JAZF1: variants seen among roughly 807,000 people sequenced by gnomAD.
JAZF1 encodes the protein juxtaposed with another zinc finger protein 1.
Under a neutral mutation model 26.4 loss-of-function variants are expected in JAZF1, and 8 were observed. The observed-to-expected ratio is 0.30, with a 90% CI of 0.18 to 0.55. The LOEUF is 0.55. JAZF1 is among the 20% of genes least tolerant of loss of function. The pLI is 0.94. For missense variants in JAZF1, 199 were observed against 322.0 expected, an observed-to-expected ratio of 0.62 and a Z score of 2.92; for synonymous variants, 126 against 122.3, an observed-to-expected ratio of 1.03 and a Z score of -0.20.
intron 1 of JAZF1, among the ~76,000 whole-genome samples, chr7:28,057,117 A>G (rs1473172187): frequency 1.3e-5 from 2 of 152,202 alleles, no homozygotes; most frequent in Non-Finnish European, 2.9e-5. Flanking sequence ...TGAAGTTCAG[A>G]AATTACTGCA....
At chr7:28,096,850 A>C (rs41349851) in intron 1 of JAZF1, among the ~76,000 whole-genome samples, 12,507 of 152,208 alleles carry the variant, frequency 0.082, 1,753 homozygotes, top group African/African-American at 0.29. Flanking sequence ...ACCACATTTC[A>C]AGTTCCTTCG....
At chr7:27,978,258 C>T (rs1024915965) in intron 2 of JAZF1, among the ~76,000 whole-genome samples, 7 of 152,140 alleles carry the variant, frequency 4.6e-5, no homozygotes, top group Non-Finnish European at 8.8e-5. Flanking sequence ...AGACAGGATT[C>T]GAACCTAAAC....
chr7:28,163,189 CTCAGTTTGCACA>C (rs1271958388), intron 1 of JAZF1, among the ~76,000 whole-genome samples: 1 of 152,176 alleles, frequency 6.6e-6, no homozygotes, highest in African/African-American at 2.4e-5. Context: ...TATCCTATTC[CTCAGTTTGCACA>C]TGGAAAAATC....
intron 2 of JAZF1, among the ~76,000 whole-genome samples, chr7:27,900,218 G>GT (rs563741157): frequency 7.3e-4 from 111 of 152,318 alleles, no homozygotes; most frequent in African/African-American, 2.4e-3. Context: ...ACTGGGTTGT[G>GT]AAAGCTGACT....
intron 1 of JAZF1, among the ~76,000 whole-genome samples, chr7:28,123,671 A>G (rs1373247104): frequency 6.6e-6 from 1 of 152,252 alleles, no homozygotes; most frequent in African/African-American, 2.4e-5. Flanking sequence ...AATTCATTTA[A>G]AAATGGAAAT....
intron 1 of JAZF1, among the ~76,000 whole-genome samples, chr7:27,998,009 G>A (rs1161819375): frequency 6.7e-6 from 1 of 149,276 alleles, no homozygotes; most frequent in Non-Finnish European, 1.5e-5. Context: ...AAGGGAGGAA[G>A]AGAGGAATGG....
At chr7:28,142,841 A>C (rs1259672250) in intron 1 of JAZF1, among the ~76,000 whole-genome samples, 1 of 152,188 alleles carries the variant, frequency 6.6e-6, no homozygotes, top group Non-Finnish European at 1.5e-5. Flanking sequence ...TCCCCAACCC[A>C]GGCATTCATG....
chr7:28,127,151 T>C (rs1162751284), intron 1 of JAZF1, among the ~76,000 whole-genome samples: 3 of 152,168 alleles, frequency 2.0e-5, no homozygotes, highest in Non-Finnish European at 4.4e-5. Context: ...AGGCGAAGGA[T>C]CCTAAGGCTA....
chr7:28,115,700 T>C (rs145824789), intron 1 of JAZF1, among the ~76,000 whole-genome samples: 63 of 152,306 alleles, frequency 4.1e-4, no homozygotes, highest in African/African-American at 1.4e-3. Flanking sequence ...GAGTACACAA[T>C]GAAGAGTATT....
Position 28,017,108 on chromosome 7 carries a change from T to C in JAZF1, c.116-25127A>G, listed in dbSNP as rs577266224. 3.3e-5 allele frequency among the ~76,000 whole-genome samples: 5 copies of C among 152,258 alleles called. No homozygotes were observed. The East Asian group carries it at 9.7e-4, about 29-fold the overall frequency. The stretch of plus-strand genomic sequence containing the variant: ...GCTCACACCTATAATTCCAGCACTT[T>C]GGGAGGCTGAGGCAGGTGGATCACC... On this transcript the variant is annotated intron_variant, in intron 1 of 4. Transcript: ENST00000283928.
At chr7:28,151,155 G>A (rs1783107164) in intron 1 of JAZF1, among the ~76,000 whole-genome samples, 2 of 151,488 alleles carry the variant, frequency 1.3e-5, no homozygotes, top group South Asian at 4.2e-4. Context: ...CCAGGCTGGA[G>A]TGCAGTGGTG....
At chr7:28,109,908 A>C (rs895850720) in intron 1 of JAZF1, among the ~76,000 whole-genome samples, 3 of 152,244 alleles carry the variant, frequency 2.0e-5, no homozygotes, top group Admixed American at 6.5e-5. Context: ...AAACAGCCTA[A>C]GTGAATTTAA....
chr7:27,898,965 C>G (rs1324070488), intron 2 of JAZF1, among the ~76,000 whole-genome samples: 2 of 152,076 alleles, frequency 1.3e-5, no homozygotes, highest in Non-Finnish European at 2.9e-5. Context: ...ACCCACACCA[C>G]CCGCCCCCAC....
chr7:28,057,735 T>C (rs1375466820), intron 1 of JAZF1, among the ~76,000 whole-genome samples: 4 of 152,184 alleles, frequency 2.6e-5, no homozygotes, highest in African/African-American at 9.7e-5. Context: ...ATTTAAAATG[T>C]ATTGGCCCCA....
intron 3 of JAZF1, among the ~76,000 whole-genome samples, chr7:27,853,121 C>A (rs568127935): frequency 1.3e-5 from 2 of 152,244 alleles, no homozygotes; most frequent in Admixed American, 6.5e-5. Context: ...TGTACTTCTG[C>A]TGGTTTTTGG....
intron 3 of JAZF1, among the ~76,000 whole-genome samples, chr7:27,870,781 C>T (rs199578331): frequency 9.9e-5 from 15 of 152,190 alleles, no homozygotes; most frequent in Non-Finnish European, 1.8e-4. Flanking sequence ...ACAGAGCCCT[C>T]CTGAGTCACA....
At chr7:28,171,734 G>A (rs1195210237) in intron 1 of JAZF1, among the ~76,000 whole-genome samples, 3 of 152,122 alleles carry the variant, frequency 2.0e-5, no homozygotes, top group South Asian at 2.1e-4. Flanking sequence ...AACTAATATG[G>A]TAGCATATTT....
chr7:27,943,998 C>G (rs535697147), intron 2 of JAZF1, among the ~76,000 whole-genome samples: 1 of 152,184 alleles, frequency 6.6e-6, no homozygotes, highest in East Asian at 1.9e-4. Context: ...TATTTTGTAC[C>G]ACACTTCCCT....
At chr7:28,164,993 A>T in intron 1 of JAZF1, among the ~76,000 whole-genome samples, 1 of 152,034 alleles carries the variant, frequency 6.6e-6, no homozygotes, top group East Asian at 1.9e-4. Context: ...ACACAGGGAG[A>T]CCCCATCTCT....
Sources: allele counts gnomAD v4.1 joint callset (sites outside exome capture counted in the v4.1 genomes callset), GRCh38; gene constraint gnomAD v4.1.1; transcripts MANE v1.5; gene names NCBI Gene and HGNC (gene_info 2026-07-23, HGNC 2026-07-21).